The following PARD3 variants were observed in gnomAD, a reference collection of about 807,000 sequenced individuals.
PARD3 encodes par-3 family cell polarity regulator.
In PARD3, 75 loss-of-function variants were observed where a neutral mutation model predicts 155.4. The ratio of observed to expected loss-of-function variants is 0.48; its 90% CI spans 0.40 to 0.58. The LOEUF is 0.58. Among genes scored for constraint, PARD3 ranks in the 20% least tolerant of loss-of-function variants. The probability of loss-of-function intolerance (pLI) is 0.00; values close to 1 mark genes in which losing one functional copy is unlikely to be tolerated. For synonymous variants in PARD3, 576 were observed against 610.5 expected, an observed-to-expected ratio of 0.94 and a Z score of 0.83; for missense variants, 1,642 against 1,721.7, an observed-to-expected ratio of 0.95 and a Z score of 0.82.
At chr10:34,115,140 C>T (rs191262754) in intron 24 of PARD3, among the ~76,000 whole-genome samples, 1 of 152,110 alleles carries the variant, frequency 6.6e-6, no homozygotes, top group East Asian at 1.9e-4. Flanking sequence ...ACAGAGGGAG[C>T]GAGGCTAAGA....
chr10:34,446,392 C>G (rs186867314), intron 5 of PARD3, among the ~76,000 whole-genome samples: 4 of 151,934 alleles, frequency 2.6e-5, no homozygotes, highest in Non-Finnish European at 4.4e-5. Flanking sequence ...TGATTCTAAG[C>G]CTTTGGCGGG....
At chr10:34,747,605 G>C (rs1035355998) in intron 1 of PARD3, among the ~76,000 whole-genome samples, 1 of 151,984 alleles carries the variant, frequency 6.6e-6, no homozygotes, top group Non-Finnish European at 1.5e-5. Flanking sequence ...AGCTTCAAGG[G>C]GCTTCCACGA....
At chr10:34,529,782 G>T (rs1286050986) in intron 2 of PARD3, among the ~76,000 whole-genome samples, 2 of 151,636 alleles carry the variant, frequency 1.3e-5, no homozygotes, top group African/African-American at 2.4e-5. Flanking sequence ...CACCCAGGCT[G>T]GAGTGCAGTG....
intron 1 of PARD3, among the ~76,000 whole-genome samples, chr10:34,760,742 G>A (rs1284382421): frequency 6.6e-6 from 1 of 152,156 alleles, no homozygotes; most frequent in Non-Finnish European, 1.5e-5. Flanking sequence ...CTCAGATTAG[G>A]AGCTGCATGT....
Position 34,357,594 on chromosome 10 carries a change from A to C in PARD3, c.2067+1553T>G, listed in dbSNP as rs553083314. On this transcript the variant is annotated intron_variant, in intron 14 of 24. Coordinates refer to ENST00000374788, the MANE Select transcript of PARD3 (RefSeq NM_001184785.2). The stretch of plus-strand genomic sequence containing the variant: ...AATGATTTTGCAATGAGTAAAAACT[A>C]CTATTCAATCAGTCCAGGAGGGACG... Among the ~76,000 whole-genome samples, 185 of 152,352 alleles carry C rather than the reference A, an allele frequency of 1.2e-3. 1 individual carries two copies. Among genetic ancestry groups the C allele is most frequent in the African/African-American group, 4.3e-3 (179 of 41,594 alleles).
At chr10:34,305,192 G>C (rs1019182401) in intron 20 of PARD3, among the ~76,000 whole-genome samples, 10 of 152,210 alleles carry the variant, frequency 6.6e-5, no homozygotes, top group African/African-American at 2.4e-4. Context: ...TATTATAAAT[G>C]TCATGGGAGA....
chr10:34,652,693 G>A (rs143006258), intron 2 of PARD3, among the ~76,000 whole-genome samples: 4 of 152,262 alleles, frequency 2.6e-5, no homozygotes, highest in East Asian at 1.9e-4. Context: ...CTGCCCTCTC[G>A]CAGTGTGCTG....
chr10:34,287,090 G>A (rs1956434231), intron 20 of PARD3, among the ~76,000 whole-genome samples: 1 of 152,078 alleles, frequency 6.6e-6, no homozygotes, highest in Non-Finnish European at 1.5e-5. Context: ...AAAAATTCAA[G>A]GGACAGCATA....
chr10:34,573,718 AACAAACAAACAAACAAAAACACAC>A (rs1371775594), intron 2 of PARD3, among the ~76,000 whole-genome samples: 2 of 112,848 alleles, frequency 1.8e-5, no homozygotes, highest in Admixed American at 9.5e-5. Flanking sequence ...AAAACAAACA[AACAAACAAACAAACAAAAACACAC>A]ACACACACAC....
intron 5 of PARD3, among the ~76,000 whole-genome samples, chr10:34,402,948 C>T (rs1416030616): frequency 6.6e-6 from 1 of 152,112 alleles, no homozygotes; most frequent in African/African-American, 2.4e-5. Flanking sequence ...GTTGGCTTTT[C>T]AAAATCATTT....
chr10:34,215,605 A>T (rs143376201), intron 22 of PARD3, among the ~76,000 whole-genome samples: 154 of 152,320 alleles, frequency 1.0e-3, no homozygotes, highest in African/African-American at 3.2e-3. Context: ...AAGAGTTCCA[A>T]CTCCATGGAT....
At chr10:34,456,535 C>G (rs1354008266) in intron 4 of PARD3, among the ~76,000 whole-genome samples, 1 of 152,052 alleles carries the variant, frequency 6.6e-6, no homozygotes, top group Non-Finnish European at 1.5e-5. Flanking sequence ...TGACCTCAGG[C>G]GATCCGCTCA....
At chr10:34,447,928 TCC>T (rs2076840177) in intron 5 of PARD3, among the ~76,000 whole-genome samples, 1 of 152,026 alleles carries the variant, frequency 6.6e-6, no homozygotes, top group Non-Finnish European at 1.5e-5. Flanking sequence ...GTAAGAAGTC[TCC>T]TCAAAAACTT....
chr10:34,768,858 C>A (rs1838470611), intron 1 of PARD3, among the ~76,000 whole-genome samples: 1 of 152,178 alleles, frequency 6.6e-6, no homozygotes, highest in Non-Finnish European at 1.5e-5. Flanking sequence ...TGCGGCTCCA[C>A]CCCAGGCATG....
intron 3 of PARD3, among the ~76,000 whole-genome samples, chr10:34,491,434 T>C (rs1162664604): frequency 6.6e-6 from 1 of 152,220 alleles, no homozygotes; most frequent in Non-Finnish European, 1.5e-5. Flanking sequence ...TTATCAAACA[T>C]AGGGCAAAAT....
chr10:34,755,411 T>C (rs948533491), intron 1 of PARD3, among the ~76,000 whole-genome samples: 29 of 151,010 alleles, frequency 1.9e-4, no homozygotes, highest in Non-Finnish European at 3.5e-4. Context: ...AAACTCTGTC[T>C]CAAAAAAAAT....
chr10:34,183,117 ACTC>A (rs1183065529), intron 22 of PARD3, among the ~76,000 whole-genome samples: 1 of 152,058 alleles, frequency 6.6e-6, no homozygotes, highest in Non-Finnish European at 1.5e-5. Context: ...GAACTCAAAA[ACTC>A]CTATCTGTCA....
At chr10:34,530,910 G>A (rs891091707) in intron 2 of PARD3, among the ~76,000 whole-genome samples, 13 of 152,196 alleles carry the variant, frequency 8.5e-5, no homozygotes, top group South Asian at 2.1e-4. Flanking sequence ...AGCCAGGGGC[G>A]TTGGTCAATA....
intron 2 of PARD3, among the ~76,000 whole-genome samples, chr10:34,550,650 C>T (rs1226763434): frequency 1.3e-5 from 2 of 151,998 alleles, no homozygotes; most frequent in African/African-American, 4.8e-5. Flanking sequence ...ACAAATGTTC[C>T]CCTCCTCAGG....
Sources: allele counts gnomAD v4.1 joint callset (sites outside exome capture counted in the v4.1 genomes callset), GRCh38; gene constraint gnomAD v4.1.1; transcripts MANE v1.5; gene names NCBI Gene and HGNC (gene_info 2026-07-23, HGNC 2026-07-21).